UBR1: variants seen among roughly 807,000 people sequenced by gnomAD.
The protein encoded by UBR1 is E3 ubiquitin-protein ligase UBR1.
Under a neutral mutation model 242.1 loss-of-function variants are expected in UBR1, and 102 were observed. The ratio of observed to expected loss-of-function variants is 0.42; its 90% confidence interval spans 0.36 to 0.50. UBR1 has a LOEUF of 0.50. UBR1 is among the 20% of genes least tolerant of loss of function. The pLI is 0.01. For missense variants in UBR1, 1,772 were observed against 2,101.8 expected (o/e 0.84, Z 3.07); for synonymous variants, 675 against 684.8 (o/e 0.99, Z 0.22).
At chr15:42,998,145 A>C in intron 33 of UBR1, 23 bp downstream of exon 33, 1 of 1,580,166 alleles carries the variant, frequency 6.3e-7, no homozygotes, top group Non-Finnish European at 8.7e-7. Flanking sequence ...CACATAGCTA[A>C]TATAAAATAA....
intron 32 of UBR1, among the ~76,000 whole-genome samples, chr15:43,000,344 T>G (rs1474343018): frequency 6.6e-6 from 1 of 152,236 alleles, no homozygotes; most frequent in East Asian, 1.9e-4. Flanking sequence ...TTTCTGAATT[T>G]AGAAAGAACT....
In UBR1 at chr15:42,952,370, G is replaced by C; in HGVS notation, c.4914C>G (p.Asn1638Lys). 6 of 1,614,220 alleles carry C rather than the reference G, an allele frequency of 3.7e-6. No homozygotes were observed. The highest frequency in any genetic ancestry group is 5.1e-6 in the Non-Finnish European group (6 of 1,180,040). The change falls in exon 45 of 47, where the codon AAC (asparagine) becomes AAG (lysine). Residue 1638 changes from asparagine (N) to lysine (K), a missense_variant. Asn to Lys is a moderately conservative substitution (Grantham distance 94). Around this residue, in one of 3 missense-constraint regions of UBR1, gnomAD observed 965 missense variants for 1,079.7 expected, o/e 0.89. Coordinates refer to ENST00000290650, the MANE Select transcript of UBR1 (RefSeq NM_174916.3). ...LFCGAILCSQ[N>K]ICCQEIVNGE... is the part of the protein sequence containing the mutation. ...CGTTCACAATTTCCTGGCAGCAAAT[G>C]TTCTGAGAACATAGTATAGCCCCAC...
intron 15 of UBR1, 56 bp from the exon 16 acceptor site, chr15:43,038,288 G>A (rs2141318541): frequency 6.5e-7 from 1 of 1,538,600 alleles, no homozygotes; most frequent in Non-Finnish European, 9.0e-7. Context: ...TTGTTAACTA[G>A]TTAACTCATC....
chr15:42,984,830 G>A, intron 36 of UBR1, 57 bp downstream of exon 36: 1 of 1,445,882 alleles, frequency 6.9e-7, no homozygotes, highest in South Asian at 1.2e-5. Context: ...ATAATAAACT[G>A]TGGGGGGGAA....
intron 37 of UBR1, among the ~76,000 whole-genome samples, chr15:42,981,701 A>T (rs2141270858): frequency 6.6e-6 from 1 of 152,268 alleles, no homozygotes; most frequent in South Asian, 2.1e-4. Flanking sequence ...CATGTTAGCC[A>T]GGATGGTCTC....
At position 43,070,798 on chromosome 15, in the gene UBR1, A is replaced by T. The variant is rs1425420064; in HGVS notation, c.656T>A (p.Ile219Lys). The change falls in exon 5 of 47, where the codon ATA (isoleucine) becomes AAA (lysine). Residue 219 changes from isoleucine (I) to lysine (K), a missense_variant. Physicochemically the swap from Ile to Lys is moderately radical, Grantham distance 102. This residue lies in a region of UBR1 where 734 missense variants were observed against 893.3 expected (regional missense o/e 0.82). Coordinates refer to ENST00000290650, the MANE Select transcript of UBR1 (RefSeq NM_174916.3). ...EEKELPPELQ[I>K]REKNERYYCV... ...TCCGTTTGACAGTTTTCCCCACCTT[A>T]TCTGGAGTTCAGGAGGCAGTTCTTT... 1.2e-6 allele frequency: 2 copies of T among 1,613,280 alleles called. No homozygotes were observed. Among genetic ancestry groups the T allele is most frequent in the Admixed American group, 3.3e-5 (2 of 60,008 alleles).
intron 1 of UBR1, among the ~76,000 whole-genome samples, chr15:43,099,982 T>G (rs1254042455): frequency 6.6e-6 from 1 of 151,742 alleles, no homozygotes; most frequent in Non-Finnish European, 1.5e-5. Context: ...TTCACGCCAT[T>G]CTCCTGCCTC....
chr15:42,949,752 T>C (rs2031798702), intron 46 of UBR1, among the ~76,000 whole-genome samples: 2 of 151,532 alleles, frequency 1.3e-5, no homozygotes, highest in South Asian at 2.1e-4. Flanking sequence ...TGAGCTGAGA[T>C]AGCGCCACTG....
intron 29 of UBR1, among the ~76,000 whole-genome samples, chr15:43,015,020 T>C (rs1241682443): frequency 8.0e-6 from 1 of 125,772 alleles, no homozygotes; most frequent in African/African-American, 3.1e-5. Flanking sequence ...GGGAGGGAGG[T>C]TGGGGGTCAG....
chr15:42,983,068 A>G (rs11070384), intron 37 of UBR1, among the ~76,000 whole-genome samples: 4,266 of 152,258 alleles, frequency 0.028, 199 homozygotes, highest in African/African-American at 0.091. Flanking sequence ...ATGAACTCTT[A>G]GTAAATTTCT....
chr15:42,958,183 CA>C, intron 43 of UBR1, 93 bp from the exon 44 acceptor site: 1 of 873,762 alleles, frequency 1.1e-6, no homozygotes, highest in Non-Finnish European at 1.9e-6. Flanking sequence ...TTAAAAATAA[CA>C]AAAGGATCTA....
intron 29 of UBR1, among the ~76,000 whole-genome samples, chr15:43,009,871 TTTTTG>T (rs1284687219): frequency 1.3e-5 from 2 of 152,094 alleles, no homozygotes; most frequent in African/African-American, 2.4e-5. Flanking sequence ...CTCTGCAGCT[TTTTTG>T]TTTTATTTTG....
rs140983589 is a variant in UBR1, at chr15:42,985,224, GCTT to G, written c.3998-285_3998-283del. 2.6e-3 allele frequency among the ~76,000 whole-genome samples: 396 copies of G among 152,208 alleles called. 4 individuals carry two copies. The highest frequency in any genetic ancestry group is 0.02 in the Admixed American group (300 of 15,296). On this transcript the variant is annotated intron_variant, in intron 35 of 46. Coordinates refer to ENST00000290650, the MANE Select transcript of UBR1 (RefSeq NM_174916.3). ...TGGGAAAAACAAAGCAGCCTGGACT[GCTT>G]CTTCTCATTTCAGCATCTTTTTTAT...
intron 3 of UBR1, among the ~76,000 whole-genome samples, chr15:43,078,726 G>C (rs1567146052): frequency 6.6e-6 from 1 of 152,074 alleles, no homozygotes; most frequent in Non-Finnish European, 1.5e-5. Context: ...CCAATGCTTT[G>C]GGAGGTTTGA....
At chr15:43,050,226 G>A (rs900685375) in intron 12 of UBR1, among the ~76,000 whole-genome samples, 2 of 151,988 alleles carry the variant, frequency 1.3e-5, no homozygotes, top group East Asian at 1.9e-4. Context: ...ATGAGCCAAC[G>A]CAATCAGCCC....
rs1244921407 is a variant in UBR1, at chr15:42,942,987, A to G, written c.*2342T>C. On this transcript the variant is annotated 3_prime_UTR_variant, in exon 47 of 47. Coordinates refer to ENST00000290650, the MANE Select transcript of UBR1 (RefSeq NM_174916.3). ...AATTTACATTTTTGCAATAAAAGTT[A>G]TCAATATATGCATTATTTGTATAAC... 1.3e-5 allele frequency: 2 copies of G among 152,662 alleles called. No individual in the cohort carries two copies. The highest frequency in any genetic ancestry group is 2.9e-5 in the Non-Finnish European group (2 of 68,042). The allele number at this position is 152,662 out of a possible 1,614,324, so 9.5% of individuals were successfully genotyped here.
intron 44 of UBR1, among the ~76,000 whole-genome samples, chr15:42,953,520 G>A (rs191302449): frequency 2.0e-4 from 30 of 152,348 alleles, no homozygotes; most frequent in African/African-American, 7.0e-4. Flanking sequence ...CGCATAGGAT[G>A]AGAGGACTAT....
At chr15:43,040,990 T>C (rs1373718938) in intron 15 of UBR1, among the ~76,000 whole-genome samples, 1 of 152,190 alleles carries the variant, frequency 6.6e-6, no homozygotes, top group African/African-American at 2.4e-5. Flanking sequence ...TTTACACTGT[T>C]GGTGGGACTG....
At chr15:42,996,069 T>A (rs763588256) in intron 33 of UBR1, among the ~76,000 whole-genome samples, 7 of 152,216 alleles carry the variant, frequency 4.6e-5, no homozygotes, top group Non-Finnish European at 8.8e-5. Flanking sequence ...GGGTTCTCCT[T>A]TATCCCTACC....
Sources: gnomAD v4.1 joint callset for allele counts (sites outside exome capture counted in the v4.1 genomes callset) on GRCh38, gnomAD v4.1.1 for gene constraint, gnomAD v4.1.1 regional missense constraint, MANE v1.5 for transcripts, NCBI Gene and HGNC (gene_info 2026-07-23, HGNC 2026-07-21) for gene names.